The following PAK5 variants were observed in gnomAD, a reference collection of about 807,000 sequenced individuals.
PAK5 encodes the protein serine/threonine-protein kinase PAK 5.
A neutral mutation model predicts 65.9 loss-of-function variants in PAK5; 16 were observed. The ratio of observed to expected loss-of-function variants is 0.24; its 90% CI spans 0.16 to 0.37. The LOEUF (loss-of-function observed/expected upper bound fraction) is 0.37. Among genes scored for constraint, PAK5 ranks in the 10% least tolerant of loss-of-function variants. PAK5 has a pLI of 1.00. For missense variants in PAK5, 785 were observed against 903.9 expected (o/e 0.87, Z 1.69); for synonymous variants, 371 against 354.9 (o/e 1.05, Z -0.51).
chr20:9,747,164 A>T (rs1462869088), intron 1 of PAK5, among the ~76,000 whole-genome samples: 3 of 152,152 alleles, frequency 2.0e-5, no homozygotes, highest in Non-Finnish European at 4.4e-5. Context: ...ATAGACCAAT[A>T]ACAGGAGCTG....
intron 3 of PAK5, among the ~76,000 whole-genome samples, chr20:9,612,941 T>G (rs983656042): frequency 1.3e-5 from 2 of 152,174 alleles, no homozygotes; most frequent in Non-Finnish European, 2.9e-5. Context: ...AGACTTTATT[T>G]TACCTATTAT....
intron 1 of PAK5, among the ~76,000 whole-genome samples, chr20:9,806,112 GCAA>G (rs1346968577): frequency 2.0e-5 from 3 of 151,858 alleles, no homozygotes; most frequent in Non-Finnish European, 4.4e-5. Flanking sequence ...CTACAGGCAT[GCAA>G]CAACATGCCC....
At chr20:9,687,886 G>GGGGTGTGTGT (rs146092163) in intron 2 of PAK5, among the ~76,000 whole-genome samples, 90 of 148,732 alleles carry the variant, frequency 6.1e-4, no homozygotes, top group African/African-American at 2.2e-3. Context: ...AAGAGAGGGA[G>GGGGTGTGTGT]GTGTGTGTGT....
chr20:9,686,603 T>A (rs2047722747), intron 2 of PAK5, among the ~76,000 whole-genome samples: 1 of 152,158 alleles, frequency 6.6e-6, no homozygotes, highest in Non-Finnish European at 1.5e-5. Context: ...ACAGCTCCTG[T>A]GAAAACACTT....
intron 6 of PAK5, among the ~76,000 whole-genome samples, chr20:9,560,581 C>T (rs749160316): frequency 2.6e-5 from 4 of 152,112 alleles, no homozygotes; most frequent in Non-Finnish European, 5.9e-5. Context: ...AGGCCGGTCT[C>T]GAACTCCTGT....
intron 1 of PAK5, among the ~76,000 whole-genome samples, chr20:9,821,967 C>T (rs769700603): frequency 1.4e-4 from 22 of 152,112 alleles, no homozygotes; most frequent in Non-Finnish European, 2.6e-4. Flanking sequence ...ATGGAAGATA[C>T]AGCTTATCAA....
chr20:9,717,334 T>C (rs974303988), intron 1 of PAK5, among the ~76,000 whole-genome samples: 1 of 152,194 alleles, frequency 6.6e-6, no homozygotes, highest in African/African-American at 2.4e-5. Flanking sequence ...TTTACTCATC[T>C]GAAAGATGGA....
intron 2 of PAK5, among the ~76,000 whole-genome samples, chr20:9,704,252 A>G (rs2047977482): frequency 2.0e-5 from 3 of 152,280 alleles, no homozygotes; most frequent in Non-Finnish European, 2.9e-5. Flanking sequence ...AGTCTCCTTT[A>G]AAGTAGCCAT....
chr20:9,548,164 G>C (rs550295270), intron 7 of PAK5, among the ~76,000 whole-genome samples: 1 of 152,040 alleles, frequency 6.6e-6, no homozygotes, highest in South Asian at 2.1e-4. Flanking sequence ...TAGGGACCAG[G>C]GCTGTTCCTA....
chr20:9,565,281 G>C (rs2045656945), intron 5 of PAK5, among the ~76,000 whole-genome samples: 2 of 152,162 alleles, frequency 1.3e-5, no homozygotes, highest in South Asian at 2.1e-4. Context: ...TATTAATGTA[G>C]GCTATTCCTT....
chr20:9,577,259 A>G (rs1568975018), intron 4 of PAK5: 1 of 152,012 alleles, frequency 6.6e-6, no homozygotes, highest in African/African-American at 2.4e-5. Context: ...AACTCATAAC[A>G]TTCTTGATTC....
chr20:9,779,616 G>A (rs543382685), intron 1 of PAK5, among the ~76,000 whole-genome samples: 1 of 151,766 alleles, frequency 6.6e-6, no homozygotes, highest in South Asian at 2.1e-4. Context: ...GGCACTAGTT[G>A]GGGAGGAAGG....
intron 2 of PAK5, among the ~76,000 whole-genome samples, chr20:9,651,959 A>G (rs2047208584): frequency 6.6e-6 from 1 of 152,240 alleles, no homozygotes; most frequent in African/African-American, 2.4e-5. Flanking sequence ...AGCTAGAGAC[A>G]TGGTAGAAAG....
chr20:9,631,132 C>T (rs996497275), intron 3 of PAK5, among the ~76,000 whole-genome samples: 2 of 152,138 alleles, frequency 1.3e-5, no homozygotes, highest in African/African-American at 4.8e-5. Flanking sequence ...ATGTATTTTG[C>T]ATGTGGGAGT....
At chr20:9,631,039 T>G (rs1009010059) in intron 3 of PAK5, among the ~76,000 whole-genome samples, 3 of 152,198 alleles carry the variant, frequency 2.0e-5, no homozygotes, top group Admixed American at 2.0e-4. Flanking sequence ...CATCAATACC[T>G]AATCACAATT....
chr20:9,632,322 C>A (rs189330474), intron 3 of PAK5, among the ~76,000 whole-genome samples: 3 of 152,178 alleles, frequency 2.0e-5, no homozygotes, highest in African/African-American at 7.2e-5. Context: ...TGCTGTTTGA[C>A]CTAAAATATG....
intron 3 of PAK5, among the ~76,000 whole-genome samples, chr20:9,607,196 G>A (rs368262354): frequency 2.0e-5 from 3 of 152,234 alleles, no homozygotes; most frequent in African/African-American, 7.2e-5. Flanking sequence ...CACTGAATCT[G>A]GAACAATGGT....
At chr20:9,613,683 T>C (rs999016276) in intron 3 of PAK5, among the ~76,000 whole-genome samples, 1 of 152,192 alleles carries the variant, frequency 6.6e-6, no homozygotes, top group Non-Finnish European at 1.5e-5. Flanking sequence ...GTTTTTAATT[T>C]TTTTGCAGAG....
At chr20:9,746,989 A>G (rs1363820670) in intron 1 of PAK5, among the ~76,000 whole-genome samples, 1 of 152,200 alleles carries the variant, frequency 6.6e-6, no homozygotes, top group Non-Finnish European at 1.5e-5. Flanking sequence ...GCAATAAAAA[A>G]TGGTAAAGGG....
Sources: allele counts gnomAD v4.1 joint callset (sites outside exome capture counted in the v4.1 genomes callset), GRCh38; gene constraint gnomAD v4.1.1; transcripts MANE v1.5; gene names NCBI Gene and HGNC (gene_info 2026-07-23, HGNC 2026-07-21).